Variants in TEAD1 observed in about 807,000 individuals in gnomAD.
TEAD1 encodes transcriptional enhancer factor TEF-1.
Under a neutral mutation model 54.9 loss-of-function variants are expected in TEAD1, and 9 were observed. That is an observed-to-expected ratio of 0.16 (90% CI 0.10 to 0.29). TEAD1 has a LOEUF of 0.29. Among genes scored for constraint, TEAD1 ranks in the 10% least tolerant of loss-of-function variants. The pLI, the probability that TEAD1 is intolerant of heterozygous loss-of-function variation, is 1.00. For missense variants in TEAD1, 387 were observed against 535.9 expected (o/e 0.72, Z 2.74); for synonymous variants, 200 against 187.8 (o/e 1.07, Z -0.53).
At chr11:12,810,913 G>A (rs998787520) in intron 3 of TEAD1, among the ~76,000 whole-genome samples, 2 of 152,170 alleles carry the variant, frequency 1.3e-5, no homozygotes, top group Admixed American at 1.3e-4. Flanking sequence ...GTGAGGCTGG[G>A]AGTCATTTGG....
intron 8 of TEAD1, among the ~76,000 whole-genome samples, chr11:12,882,671 T>G (rs1191589281): frequency 6.6e-6 from 1 of 152,176 alleles, no homozygotes; most frequent in Non-Finnish European, 1.5e-5. Context: ...CAGGAAGTCT[T>G]TGGAAGCATT....
rs558068850 is a variant in TEAD1 at position 12,715,001 on chromosome 11, A to G, written c.-55+39440A>G. 8.8e-4 allele frequency among the ~76,000 whole-genome samples: 134 copies of G among 152,276 alleles called. 2 individuals are homozygous for G. Among genetic ancestry groups the G allele is most frequent in the Admixed American group, 8.8e-3 (134 of 15,302 alleles). ...TTTTTTTGAGGGGGAGACACAATTCAGCCCATAACAATTCCGCAGTTCTCT... is the reference window on the plus strand; with the variant it reads ...TTTTTTTGAGGGGGAGACACAATTCGGCCCATAACAATTCCGCAGTTCTCT... On this transcript the variant is annotated intron_variant, in intron 2 of 12. Transcript: ENST00000527636.
At chr11:12,881,866 TAACTC>T in intron 7 of TEAD1, 25 bp from the exon 8 acceptor site, 10 of 1,612,790 alleles carry the variant, frequency 6.2e-6, no homozygotes, top group Non-Finnish European at 8.5e-6. Context: ...TGCGATCTCT[TAACTC>T]TGTCTGCCAT....
chr11:12,838,319 T>C (rs1033580149), intron 3 of TEAD1, among the ~76,000 whole-genome samples: 1 of 152,218 alleles, frequency 6.6e-6, no homozygotes, highest in African/African-American at 2.4e-5. Context: ...TGGACGATGC[T>C]ACATGGCCTC....
rs1944065638 is a variant in TEAD1, at chr11:12,716,498, G to T, written c.-55+40937G>T. Among the ~76,000 whole-genome samples the T allele has an allele frequency of 3.9e-5, 6 of 152,116 alleles. No homozygotes were observed. The South Asian group carries it at 1.0e-3, about 26-fold the overall frequency. ...CCCAGACAATGTTTAGATTTTTGAG[G>T]TCTCATTTTTAGCAGTGTCCTGGCA... On this transcript the variant is annotated intron_variant, in intron 2 of 12. Transcript: ENST00000527636.
Position 12,682,198 on chromosome 11 carries a change from A to G in TEAD1, c.-55+6637A>G, listed in dbSNP as rs1420166977. Reference sequence around the variant, plus strand: ...TTTCTTCCCTCAATATTTGTGAGGCAGTGTACCTAGGAACATAGGCTGAAT... The same window carrying G: ...TTTCTTCCCTCAATATTTGTGAGGCGGTGTACCTAGGAACATAGGCTGAAT... On this transcript the variant is annotated intron_variant, in intron 2 of 12. Transcript: ENST00000527636. 2.0e-5 allele frequency among the ~76,000 whole-genome samples: 3 copies of G among 152,242 alleles called. No homozygotes were observed. The East Asian group carries it at 5.8e-4, about 29-fold the overall frequency.
intron 2 of TEAD1, among the ~76,000 whole-genome samples, chr11:12,677,347 T>G (rs978122414): frequency 2.0e-5 from 3 of 148,462 alleles, no homozygotes; most frequent in Admixed American, 6.6e-5. Context: ...TAATTACACA[T>G]AAGGGCGGGT....
At chr11:12,756,050 C>T (rs1389906752) in intron 2 of TEAD1, among the ~76,000 whole-genome samples, 1 of 152,076 alleles carries the variant, frequency 6.6e-6, no homozygotes, top group Non-Finnish European at 1.5e-5. Flanking sequence ...GTCACCTGGG[C>T]AAGTACTTAG....
In TEAD1 at chr11:12,937,314, A is replaced by G; in HGVS notation, c.*92A>G. ...TCTCCATTATCGAACGACTGACTGT[A>G]AACCTCACCACACAGGGTGGTGCCC... On this transcript the variant is annotated 3_prime_UTR_variant, in exon 13 of 13. Coordinates refer to ENST00000527636, the MANE Select transcript of TEAD1 (RefSeq NM_021961.6). The G allele has an allele frequency of 9.0e-7, 1 of 1,108,824 alleles. No homozygotes were observed. Among genetic ancestry groups the G allele is most frequent in the Non-Finnish European group, 1.3e-6 (1 of 743,476 alleles). 68.7% of individuals were successfully genotyped at this position (1,108,824 alleles called of 1,614,324 possible). A position where few individuals can be genotyped will look rare whatever the true frequency, so the allele number is the denominator to read the frequency against.
At chr11:12,850,961 C>T (rs947154484) in intron 3 of TEAD1, 14 of 620,432 alleles carry the variant, frequency 2.3e-5, no homozygotes, top group Non-Finnish European at 2.4e-5. Context: ...AATTGTGCCA[C>T]TTCTCACTGA....
chr11:12,756,669 T>C (rs2133915003), intron 2 of TEAD1, among the ~76,000 whole-genome samples: 1 of 152,352 alleles, frequency 6.6e-6, no homozygotes, highest in East Asian at 1.9e-4. Flanking sequence ...TACATCCTAC[T>C]GTCTAGTGAG....
chr11:12,739,843 T>C (rs961606443), intron 2 of TEAD1, among the ~76,000 whole-genome samples: 3 of 152,182 alleles, frequency 2.0e-5, no homozygotes, highest in African/African-American at 7.2e-5. Context: ...ATCCCAAATA[T>C]TGGTCCATCA....
chr11:12,916,694 G>T lies in TEAD1; in HGVS notation c.874-8218G>T, dbSNP rs182122304. Among the ~76,000 whole-genome samples, 6 of 152,370 alleles carry T rather than the reference G, an allele frequency of 3.9e-5. No homozygotes were observed. In the East Asian group the frequency reaches 1.2e-3, roughly 29 times the overall value. On this transcript the variant is annotated intron_variant, in intron 10 of 12. Transcript: ENST00000527636. ...TTCTGCTGCCTGTGCTGTCAGTCCA[G>T]TGTCTGAGATGAGATGACAAATGAG...
rs557829930 is a variant in TEAD1, at chr11:12,853,942, G to GT, written c.203-8300dup. On this transcript the variant is annotated intron_variant, in intron 3 of 12. Coordinates refer to ENST00000527636, the MANE Select transcript of TEAD1 (RefSeq NM_021961.6). ...TCTGTATGTTCTTTCTCTGAAAGCTGTTTTTTTTAATAAGCCCCTGGGTGA... is the reference window on the plus strand; with the variant it reads ...TCTGTATGTTCTTTCTCTGAAAGCTGTTTTTTTTTAATAAGCCCCTGGGTGA... Among the ~76,000 whole-genome samples, 14 of 152,080 alleles carry GT rather than the reference G, an allele frequency of 9.2e-5. No individual in the cohort carries two copies. In the East Asian group the frequency reaches 1.2e-3, roughly 13 times the overall value.
chr11:12,683,371 T>C (rs1943265765), intron 2 of TEAD1, among the ~76,000 whole-genome samples: 1 of 152,162 alleles, frequency 6.6e-6, no homozygotes, highest in South Asian at 2.1e-4. Flanking sequence ...TGTGGATGGG[T>C]GTTGCCTTGA....
At chr11:12,852,768 C>G (rs1184210846) in intron 3 of TEAD1, among the ~76,000 whole-genome samples, 5 of 152,116 alleles carry the variant, frequency 3.3e-5, no homozygotes, top group Non-Finnish European at 7.4e-5. Context: ...CTCATCTACA[C>G]TTTAAGTGTA....
intron 3 of TEAD1, among the ~76,000 whole-genome samples, chr11:12,853,436 G>A (rs1439347091): frequency 6.6e-6 from 1 of 152,174 alleles, no homozygotes; most frequent in Admixed American, 6.5e-5. Flanking sequence ...TGTGTTTTAG[G>A]TAGCTGTGTA....
intron 9 of TEAD1, among the ~76,000 whole-genome samples, chr11:12,898,553 C>G (rs1948360035): frequency 6.6e-6 from 1 of 151,918 alleles, no homozygotes; most frequent in Non-Finnish European, 1.5e-5. Context: ...TGCCACCACA[C>G]CCGGCTAATT....
At chr11:12,714,193 A>G (rs1227995533) in intron 2 of TEAD1, among the ~76,000 whole-genome samples, 1 of 152,016 alleles carries the variant, frequency 6.6e-6, no homozygotes, top group Non-Finnish European at 1.5e-5. Flanking sequence ...AAGGTTCCCA[A>G]GCAGTCACAT....
Sources: allele counts gnomAD v4.1 joint callset (sites outside exome capture counted in the v4.1 genomes callset), GRCh38; gene constraint gnomAD v4.1.1; transcripts MANE v1.5; gene names NCBI Gene and HGNC (gene_info 2026-07-23, HGNC 2026-07-21).